APBB1IP: variants seen among roughly 807,000 people sequenced by gnomAD.
APBB1IP encodes the protein amyloid beta precursor protein binding family B member 1 interacting protein.
In APBB1IP, 27 loss-of-function variants were observed where a neutral mutation model predicts 64.9. The observed-to-expected ratio is 0.42, with a 90% CI of 0.31 to 0.57. The LOEUF is 0.57. APBB1IP is among the 20% of genes least tolerant of loss of function. The probability of loss-of-function intolerance (pLI) is 0.20; values close to 1 mark genes in which losing one functional copy is unlikely to be tolerated. For missense variants in APBB1IP, 812 were observed against 845.5 expected, an observed-to-expected ratio of 0.96 and a Z score of 0.49; for synonymous variants, 392 against 331.0, an observed-to-expected ratio of 1.18 and a Z score of -2.00.
chr10:26,527,536 T>C (rs1836489704), intron 8 of APBB1IP, among the ~76,000 whole-genome samples: 1 of 147,692 alleles, frequency 6.8e-6, no homozygotes, highest in African/African-American at 2.5e-5. Context: ...GAGCAATACC[T>C]TGTCTCAAAA....
intron 12 of APBB1IP, 103 bp downstream of exon 12, chr10:26,560,306 G>T: frequency 9.2e-7 from 1 of 1,090,284 alleles, no homozygotes; most frequent in Non-Finnish European, 1.4e-6. Context: ...CCACCCTTGG[G>T]TTCAGCCACA....
chr10:26,556,488 C>T (rs1231502833), intron 11 of APBB1IP, among the ~76,000 whole-genome samples: 1 of 152,232 alleles, frequency 6.6e-6, no homozygotes, highest in East Asian at 1.9e-4. Flanking sequence ...AAGGAAGGAA[C>T]TTGGTGAGAC....
intron 2 of APBB1IP, among the ~76,000 whole-genome samples, chr10:26,485,514 A>T (rs1366918333): frequency 6.6e-6 from 1 of 152,216 alleles, no homozygotes; most frequent in Admixed American, 6.5e-5. Context: ...ACTTAATAAC[A>T]ACTCCCAGTT....
intron 2 of APBB1IP, among the ~76,000 whole-genome samples, chr10:26,454,900 C>G (rs531532177): frequency 6.6e-6 from 1 of 152,188 alleles, no homozygotes; most frequent in African/African-American, 2.4e-5. Flanking sequence ...GGCTATAATC[C>G]AAAAGAGAGA....
At chr10:26,565,765 G>C (rs979086514) in intron 14 of APBB1IP, among the ~76,000 whole-genome samples, 1 of 152,144 alleles carries the variant, frequency 6.6e-6, no homozygotes, top group Non-Finnish European at 1.5e-5. Flanking sequence ...AATTTTTCAG[G>C]CTAACTGGAG....
At position 26,562,319 on chromosome 10, in the gene APBB1IP, C is replaced by T. The variant is rs1289658391; in HGVS notation, c.1370-7C>T. 1.9e-6 allele frequency: 3 copies of T among 1,606,962 alleles called. No homozygotes were observed. Among genetic ancestry groups the T allele is most frequent in the African/African-American group, 1.3e-5 (1 of 74,790 alleles). On this transcript the variant is annotated splice_polypyrimidine_tract_variant and splice_region_variant and intron_variant, in intron 13 of 14. Transcript: ENST00000376236. Reference sequence around the variant, plus strand: ...TCACTCTTCTTTTCTCACTTCTTCCCTCTCAGGACCTAAAACAGGCACCAC... The same window carrying T: ...TCACTCTTCTTTTCTCACTTCTTCCTTCTCAGGACCTAAAACAGGCACCAC...
intron 6 of APBB1IP, among the ~76,000 whole-genome samples, chr10:26,511,175 C>T (rs2132445565): frequency 6.6e-6 from 1 of 152,032 alleles, no homozygotes; most frequent in East Asian, 1.9e-4. Context: ...ACGCCATCTC[C>T]ACTGGAAAAA....
chr10:26,508,243 A>T (rs1436893740), intron 6 of APBB1IP, among the ~76,000 whole-genome samples: 1 of 152,222 alleles, frequency 6.6e-6, no homozygotes, highest in Non-Finnish European at 1.5e-5. Flanking sequence ...GGCTGTTGAC[A>T]TCATTTTGAA....
At chr10:26,486,095 AT>A (rs1490031167) in intron 2 of APBB1IP, among the ~76,000 whole-genome samples, 4 of 152,174 alleles carry the variant, frequency 2.6e-5, no homozygotes, top group African/African-American at 7.2e-5. Context: ...ATGTAAAAAA[AT>A]ATAAATAAAT....
intron 2 of APBB1IP, among the ~76,000 whole-genome samples, chr10:26,463,934 T>G (rs888613450): frequency 6.6e-6 from 1 of 152,124 alleles, no homozygotes; most frequent in Non-Finnish European, 1.5e-5. Flanking sequence ...GATATTCCCT[T>G]CCCTGTGTCT....
intron 5 of APBB1IP, among the ~76,000 whole-genome samples, chr10:26,502,557 G>C (rs1333944923): frequency 2.0e-5 from 3 of 152,034 alleles, no homozygotes; most frequent in African/African-American, 7.2e-5. Flanking sequence ...CAGGAGAATG[G>C]GGTGAACCCA....
At chr10:26,525,994 A>C (rs1836469096) in intron 8 of APBB1IP, among the ~76,000 whole-genome samples, 1 of 152,170 alleles carries the variant, frequency 6.6e-6, no homozygotes, top group Non-Finnish European at 1.5e-5. Flanking sequence ...CTTTAGAGAA[A>C]GGTCAGAGGA....
At chr10:26,497,875 C>T (rs1398272919) in intron 4 of APBB1IP, among the ~76,000 whole-genome samples, 1 of 151,738 alleles carries the variant, frequency 6.6e-6, no homozygotes, top group Admixed American at 6.6e-5. Flanking sequence ...TACAGGCATG[C>T]GCCATCATGA....
intron 2 of APBB1IP, among the ~76,000 whole-genome samples, chr10:26,481,643 C>T (rs1191372626): frequency 6.6e-6 from 1 of 151,932 alleles, no homozygotes; most frequent in African/African-American, 2.4e-5. Context: ...CACCACTATG[C>T]CCAGCTAATT....
chr10:26,462,755 A>G (rs1477474842), intron 2 of APBB1IP, among the ~76,000 whole-genome samples: 2 of 152,182 alleles, frequency 1.3e-5, no homozygotes, highest in African/African-American at 2.4e-5. Flanking sequence ...CTCTGAAGAC[A>G]GCAATTGGAA....
intron 2 of APBB1IP, among the ~76,000 whole-genome samples, chr10:26,460,413 C>G (rs191944163): frequency 6.6e-6 from 1 of 152,260 alleles, no homozygotes; most frequent in East Asian, 1.9e-4. Flanking sequence ...GAGAATAAAG[C>G]CACAATAGGA....
intron 8 of APBB1IP, among the ~76,000 whole-genome samples, chr10:26,516,563 T>TAAAAAAAAAAAAAAAA (rs1198670517): frequency 3.0e-3 from 161 of 53,118 alleles, no homozygotes; most frequent in East Asian, 5.1e-3. Context: ...AAAAAAAAAG[T>TAAAAAAAAAAAAAAAA]AAAGCGGAAA....
chr10:26,535,926 G>T (rs1453863862), intron 9 of APBB1IP, 148 bp from the exon 10 acceptor site: 1 of 741,650 alleles, frequency 1.3e-6, no homozygotes, highest in Non-Finnish European at 2.0e-6. Flanking sequence ...CTGGCAAATA[G>T]CATATAATAT....
Position 26,504,213 on chromosome 10 carries a change from C to T in APBB1IP, c.531+939C>T, listed in dbSNP as rs546377477. ...ATGTCCAAGTTATATCCCAGGGTAC[C>T]AAATGCTGTTTTTGCTGGTGCTCTG... On this transcript the variant is annotated intron_variant, in intron 6 of 14. Transcript: ENST00000376236. 2.1e-3 allele frequency among the ~76,000 whole-genome samples: 324 copies of T among 152,314 alleles called. 4 individuals are homozygous for T. The highest frequency in any genetic ancestry group is 6.4e-3 in the African/African-American group (268 of 41,566).
Sources: allele counts gnomAD v4.1 joint callset (sites outside exome capture counted in the v4.1 genomes callset), GRCh38; gene constraint gnomAD v4.1.1; transcripts MANE v1.5; gene names NCBI Gene and HGNC (gene_info 2026-07-23, HGNC 2026-07-21).